Variants in PDZRN3 observed in about 807,000 individuals in gnomAD.
PDZRN3 encodes PDZ domain containing ring finger 3.
A neutral mutation model predicts 85.7 loss-of-function variants in PDZRN3; 38 were observed. That is an observed-to-expected ratio of 0.44 (90% CI 0.34 to 0.58). The LOEUF is 0.58. Ranked by LOEUF, PDZRN3 falls within the 20% of genes least tolerant of loss-of-function variation. The pLI, the probability that PDZRN3 is intolerant of heterozygous loss-of-function variation, is 0.01. For synonymous variants in PDZRN3, 759 were observed against 638.0 expected (o/e 1.19, Z -2.86); for missense variants, 1,629 against 1,506.4 (o/e 1.08, Z -1.35).
intron 3 of PDZRN3, among the ~76,000 whole-genome samples, chr3:73,473,115 C>T (rs1254100280): frequency 1.3e-5 from 2 of 152,194 alleles, no homozygotes; most frequent in African/African-American, 4.8e-5. Context: ...GATAGAGATG[C>T]TCTCTACTTA....
intron 1 of PDZRN3, among the ~76,000 whole-genome samples, chr3:73,616,735 A>C (rs1702768426): frequency 6.6e-6 from 1 of 152,234 alleles, no homozygotes; most frequent in Admixed American, 6.5e-5. Flanking sequence ...ATAGACAGTC[A>C]AGAAATGCTT....
intron 3 of PDZRN3, among the ~76,000 whole-genome samples, chr3:73,504,538 GC>G (rs1704037191): frequency 2.0e-5 from 3 of 152,094 alleles, no homozygotes; most frequent in African/African-American, 7.2e-5. Context: ...ACTCAATTCG[GC>G]CCTGACATGC....
rs186853399 is a variant in PDZRN3 at position 73,617,074 on chromosome 3, G to A, written c.723+7029C>T. Among the ~76,000 whole-genome samples the A allele has an allele frequency of 5.9e-5, 9 of 152,170 alleles. No individual in the cohort carries two copies. The South Asian group carries it at 6.2e-4, about 11-fold the overall frequency. ...ACCTATCCAAACACAGCAAAGACAC[G>A]GGGCACCTAAAAACAGCTTTTAGCA... is the stretch of plus-strand genomic sequence containing the variant. On this transcript the variant is annotated intron_variant, in intron 1 of 9. Coordinates refer to ENST00000263666, the MANE Select transcript of PDZRN3 (RefSeq NM_015009.3).
intron 3 of PDZRN3, among the ~76,000 whole-genome samples, chr3:73,529,052 G>A (rs1197639184): frequency 6.6e-6 from 1 of 152,136 alleles, no homozygotes; most frequent in Non-Finnish European, 1.5e-5. Flanking sequence ...AGATATTTCA[G>A]GGGTTTTTGT....
intron 3 of PDZRN3, among the ~76,000 whole-genome samples, chr3:73,509,515 C>G (rs2106703311): frequency 6.6e-6 from 1 of 152,326 alleles, no homozygotes; most frequent in South Asian, 2.1e-4. Flanking sequence ...CATGTCCCTT[C>G]TGGATCTCCC....
chr3:73,414,735 C>T (rs1159604105), intron 3 of PDZRN3, among the ~76,000 whole-genome samples: 1 of 152,176 alleles, frequency 6.6e-6, no homozygotes, highest in African/African-American at 2.4e-5. Flanking sequence ...TTTCCTATAA[C>T]AGTAATCATT....
intron 3 of PDZRN3, among the ~76,000 whole-genome samples, chr3:73,443,833 A>G (rs2106827374): frequency 6.6e-6 from 1 of 152,170 alleles, no homozygotes; most frequent in East Asian, 1.9e-4. Context: ...GTTTTACTTA[A>G]AGTACTTTTG....
chr3:73,452,012 A>G (rs1702871865), intron 3 of PDZRN3, among the ~76,000 whole-genome samples: 1 of 152,204 alleles, frequency 6.6e-6, no homozygotes, highest in African/African-American at 2.4e-5. Flanking sequence ...TCGAATCTTT[A>G]CTAATGTGGG....
At position 73,624,358 on chromosome 3, in the gene PDZRN3, G is replaced by T. The variant is rs1421676496; in HGVS notation, c.468C>A (p.Arg156=). The T allele has an allele frequency of 9.2e-6, 12 of 1,300,736 alleles. No homozygotes were observed. The highest frequency in any genetic ancestry group is 1.1e-5 in the Non-Finnish European group (11 of 1,031,392). The allele number at this position is 1,300,736 out of a possible 1,614,324, so 80.6% of individuals were successfully genotyped here. The part of the protein sequence containing the change: ...CGLPLTHGEQ[R]AGGHCCARAL... ...CTCGCGCGCAGCAGTGGCCGCCCGCGCGCTGCTCGCCGTGCGTCAAGGGTA... is the reference window on the plus strand; with the variant it reads ...CTCGCGCGCAGCAGTGGCCGCCCGCTCGCTGCTCGCCGTGCGTCAAGGGTA... The change falls in exon 1 of 10, where the codon CGC becomes CGA. Residue 156 remains arginine (R), a synonymous_variant. Transcript: ENST00000263666.
At chr3:73,613,252 T>C (rs1021255913) in intron 1 of PDZRN3, among the ~76,000 whole-genome samples, 2 of 152,248 alleles carry the variant, frequency 1.3e-5, no homozygotes, top group African/African-American at 2.4e-5. Flanking sequence ...GCAGCTCCGC[T>C]TGGACTTTCA....
chr3:73,480,455 G>C (rs867523670), intron 3 of PDZRN3, among the ~76,000 whole-genome samples: 2 of 152,256 alleles, frequency 1.3e-5, no homozygotes, highest in Middle Eastern at 3.4e-3. Flanking sequence ...GCTTGGGAAG[G>C]CTTCCAAATT....
intron 3 of PDZRN3, among the ~76,000 whole-genome samples, chr3:73,575,182 G>A (rs1276597490): frequency 1.3e-5 from 2 of 152,176 alleles, no homozygotes; most frequent in East Asian, 1.9e-4. Flanking sequence ...AAGAACAGGG[G>A]TTTATAATTA....
intron 3 of PDZRN3, among the ~76,000 whole-genome samples, chr3:73,415,692 T>C (rs1262907235): frequency 6.6e-6 from 1 of 152,172 alleles, no homozygotes; most frequent in African/African-American, 2.4e-5. Context: ...CTGCAGCTGA[T>C]GAAAGTGTTC....
chr3:73,495,734 C>T (rs1417817679), intron 3 of PDZRN3, among the ~76,000 whole-genome samples: 1 of 151,916 alleles, frequency 6.6e-6, no homozygotes, highest in Non-Finnish European at 1.5e-5. Flanking sequence ...TGTTATAAAA[C>T]ACAAGGCAGA....
At position 73,555,258 on chromosome 3, in the gene PDZRN3, G is replaced by A. The variant is rs1276374022; in HGVS notation, c.918+47096C>T. The stretch of plus-strand genomic sequence containing the variant: ...GAACAAGCACTAGTTACTAAAACTT[G>A]CCATGTCACTTGGGACGAGGAAGAA... On this transcript the variant is annotated intron_variant, in intron 3 of 9. Coordinates refer to ENST00000263666, the MANE Select transcript of PDZRN3 (RefSeq NM_015009.3). 2.0e-5 allele frequency among the ~76,000 whole-genome samples: 3 copies of A among 152,124 alleles called. No homozygotes were observed. In the East Asian group the frequency reaches 5.8e-4, roughly 29 times the overall value.
chr3:73,609,053 A>AT (rs1189661145), intron 1 of PDZRN3, among the ~76,000 whole-genome samples: 1 of 152,258 alleles, frequency 6.6e-6, no homozygotes, highest in Admixed American at 6.5e-5. Context: ...TTTCTCAACC[A>AT]TTCTCAACAG....
At chr3:73,550,276 T>G (rs993753988) in intron 3 of PDZRN3, among the ~76,000 whole-genome samples, 8 of 152,114 alleles carry the variant, frequency 5.3e-5, no homozygotes, top group Non-Finnish European at 1.2e-4. Context: ...AACCAGAAAT[T>G]CTGGGGTGTG....
At chr3:73,562,876 A>G (rs1410891738) in intron 3 of PDZRN3, among the ~76,000 whole-genome samples, 1 of 150,964 alleles carries the variant, frequency 6.6e-6, no homozygotes, top group Non-Finnish European at 1.5e-5. Context: ...TGATACTGTC[A>G]ACATAAAACA....
intron 9 of PDZRN3, 27 bp downstream of exon 9, chr3:73,385,642 T>C (rs761785230): frequency 2.3e-5 from 30 of 1,321,596 alleles, no homozygotes; most frequent in Non-Finnish European, 2.8e-5. Context: ...CAGGGCAGAG[T>C]GTCAGGGACT....
Sources: gnomAD v4.1 joint callset for allele counts (sites outside exome capture counted in the v4.1 genomes callset) on GRCh38, gnomAD v4.1.1 for gene constraint, MANE v1.5 for transcripts, NCBI Gene and HGNC (gene_info 2026-07-23, HGNC 2026-07-21) for gene names.